RPS6KC1: variants seen among roughly 807,000 people sequenced by gnomAD.
RPS6KC1 encodes ribosomal protein S6 kinase C1.
RPS6KC1 carries 54 observed loss-of-function variants against 103.8 expected under a neutral mutation model. The ratio of observed to expected loss-of-function variants is 0.52; its 90% CI spans 0.42 to 0.65. The LOEUF is 0.65. Ranked by LOEUF, RPS6KC1 falls within the 30% of genes least tolerant of loss-of-function variation. RPS6KC1 has a pLI of 0.00. For synonymous variants in RPS6KC1, 439 were observed against 438.7 expected (o/e 1.00, Z -0.01); for missense variants, 1,151 against 1,253.8 (o/e 0.92, Z 1.24).
the RPS6KC1 span, chr1:213,819,515 A>G: frequency 1.6e-4 from 25 of 152,228 alleles, no homozygotes; most frequent in Admixed American, 1.6e-3. Flanking sequence ...CAGCAGTTCA[A>G]TGAGACTGCA....
At chr1:213,544,205 G>A in the RPS6KC1 span, among the ~76,000 whole-genome samples, 1 of 152,172 alleles carries the variant, frequency 6.6e-6, no homozygotes, top group South Asian at 2.1e-4. Flanking sequence ...GAGCAGAAGG[G>A]AAGCCTGCAG....
intron 2 of RPS6KC1, among the ~76,000 whole-genome samples, chr1:213,073,244 A>G (rs149218298): frequency 5.6e-4 from 86 of 152,292 alleles, no homozygotes; most frequent in African/African-American, 1.8e-3. Context: ...GCTTTAGACT[A>G]TATAGTAAAG....
the RPS6KC1 span, among the ~76,000 whole-genome samples, chr1:213,800,547 C>T: frequency 6.6e-6 from 1 of 152,070 alleles, no homozygotes. Context: ...AAGATATGAG[C>T]ATAATTTCAT....
chr1:213,749,417 T>C, the RPS6KC1 span, among the ~76,000 whole-genome samples: 2 of 152,042 alleles, frequency 1.3e-5, no homozygotes. Flanking sequence ...GTTTTGGTAA[T>C]TGAGGGAACA....
the RPS6KC1 span, among the ~76,000 whole-genome samples, chr1:213,514,358 C>A: frequency 6.6e-6 from 1 of 151,348 alleles, no homozygotes; most frequent in Admixed American, 6.6e-5. Flanking sequence ...TTAGGTATAT[C>A]GCCTAATGCT....
At chr1:213,091,881 C>T (rs2080994240) in intron 3 of RPS6KC1, among the ~76,000 whole-genome samples, 1 of 151,588 alleles carries the variant, frequency 6.6e-6, no homozygotes, top group Non-Finnish European at 1.5e-5. Context: ...TTATTGTTCT[C>T]AAGGGTTGAG....
chr1:213,278,881 AT>A (rs909099893), downstream of RPS6KC1, among the ~76,000 whole-genome samples: 8 of 151,200 alleles, frequency 5.3e-5, no homozygotes, highest in Non-Finnish European at 8.8e-5. Flanking sequence ...TAAACATAAG[AT>A]TTTTTTTTCC....
chr1:213,602,060 T>TTCTTTCTTTCTTTCTTTC, the RPS6KC1 span, among the ~76,000 whole-genome samples: 3 of 47,246 alleles, frequency 6.3e-5, no homozygotes, highest in Non-Finnish European at 1.1e-4. Flanking sequence ...TTCTTTCTCT[T>TTCTTTCTTTCTTTCTTTC]TCTTTCTTTC....
At chr1:213,315,572 G>T in the RPS6KC1 span, among the ~76,000 whole-genome samples, 2 of 152,278 alleles carry the variant, frequency 1.3e-5, no homozygotes, top group South Asian at 2.1e-4. Flanking sequence ...ATCGCAAATA[G>T]TCCTGGTATA....
At chr1:213,440,929 C>T in the RPS6KC1 span, among the ~76,000 whole-genome samples, 1 of 152,268 alleles carries the variant, frequency 6.6e-6, no homozygotes, top group Non-Finnish European at 1.5e-5. Flanking sequence ...AGAGCTCAGA[C>T]TTGGAGCAGC....
intron 6 of RPS6KC1, among the ~76,000 whole-genome samples, chr1:213,151,401 C>T (rs1435360423): frequency 4.4e-5 from 6 of 135,836 alleles, no homozygotes; most frequent in Middle Eastern, 9.8e-3. Context: ...AGGGGCTCCT[C>T]GCTTCCCAGT....
chr1:213,218,017 T>C (rs1242428624), intron 8 of RPS6KC1, among the ~76,000 whole-genome samples: 1 of 152,190 alleles, frequency 6.6e-6, no homozygotes, highest in Non-Finnish European at 1.5e-5. Context: ...TGAATAGTTC[T>C]GGCCAAGGCA....
the RPS6KC1 span, among the ~76,000 whole-genome samples, chr1:213,689,545 C>T: frequency 1.3e-5 from 2 of 152,214 alleles, no homozygotes; most frequent in Non-Finnish European, 1.5e-5. Flanking sequence ...CACTGGGCCA[C>T]GTGACAGTCA....
At position 213,151,318 on chromosome 1, in the gene RPS6KC1, C is replaced by T. The variant is rs1346235390; in HGVS notation, c.836-16540C>T. Among the ~76,000 whole-genome samples, 833 of 123,532 alleles carry T rather than the reference C, an allele frequency of 6.7e-3. 5 individuals are homozygous for T. The highest frequency in any genetic ancestry group is 0.026 in the African/African-American group (734 of 28,682). 81.0% of individuals were successfully genotyped at this position (123,532 alleles called of 152,430 possible). ...CCGGGCAGAGGCGCCCCTCACCTCC[C>T]GGACGGGGCGGCTGGCCGGGCGGGG... On this transcript the variant is annotated intron_variant, in intron 6 of 14. Coordinates refer to ENST00000366960, the MANE Select transcript of RPS6KC1 (RefSeq NM_012424.6).
At chr1:213,850,156 GTAATCTTTA>G in the RPS6KC1 span, among the ~76,000 whole-genome samples, 2 of 152,040 alleles carry the variant, frequency 1.3e-5, no homozygotes, top group African/African-American at 4.8e-5. Flanking sequence ...TGTGATAACA[GTAATCTTTA>G]TCTTGCTCCT....
the RPS6KC1 span, chr1:213,821,335 G>A: frequency 6.6e-6 from 1 of 152,360 alleles, no homozygotes; most frequent in South Asian, 2.1e-4. Flanking sequence ...GAGGGCTGCA[G>A]GCATATCCAT....
intron 8 of RPS6KC1, among the ~76,000 whole-genome samples, chr1:213,228,205 C>T (rs927944308): frequency 6.6e-6 from 1 of 152,126 alleles, no homozygotes; most frequent in African/African-American, 2.4e-5. Flanking sequence ...AAGATGCATA[C>T]TTGTTTGATA....
the RPS6KC1 span, among the ~76,000 whole-genome samples, chr1:213,576,573 C>T: frequency 6.6e-6 from 1 of 152,024 alleles, no homozygotes; most frequent in Non-Finnish European, 1.5e-5. Context: ...ACACCACAAA[C>T]CAAACCCATA....
chr1:213,267,911 A>G (rs1378104625), intron 14 of RPS6KC1, among the ~76,000 whole-genome samples: 1 of 151,982 alleles, frequency 6.6e-6, no homozygotes, highest in Non-Finnish European at 1.5e-5. Context: ...ATTGAAAAAA[A>G]TGAACAGGAC....
Sources: gnomAD v4.1 joint callset for allele counts (sites outside exome capture counted in the v4.1 genomes callset) on GRCh38, gnomAD v4.1.1 for gene constraint, MANE v1.5 for transcripts, NCBI Gene and HGNC (gene_info 2026-07-23, HGNC 2026-07-21) for gene names.